CACNA1D: variants seen among roughly 807,000 people sequenced by gnomAD.
CACNA1D encodes voltage-dependent L-type calcium channel subunit alpha-1D.
CACNA1D carries 55 observed loss-of-function variants against 257.1 expected under a neutral mutation model. The ratio of observed to expected loss-of-function variants is 0.21; its 90% confidence interval spans 0.17 to 0.27. The LOEUF (loss-of-function observed/expected upper bound fraction) is 0.27. Among genes scored for constraint, CACNA1D ranks in the 10% least tolerant of loss-of-function variants. The probability of loss-of-function intolerance (pLI) is 1.00; values close to 1 mark genes in which losing one functional copy is unlikely to be tolerated. For synonymous variants in CACNA1D, 980 were observed against 1,014.9 expected, an observed-to-expected ratio of 0.97 and a Z score of 0.65; for missense variants, 1,876 against 2,784.0, an observed-to-expected ratio of 0.67 and a Z score of 7.34.
At chr3:53,672,767 T>TGTGC (rs2094336087) in intron 7 of CACNA1D, among the ~76,000 whole-genome samples, 1 of 43,168 alleles carries the variant, frequency 2.3e-5, no homozygotes, top group African/African-American at 1.3e-4. Flanking sequence ...TCTGTGTGTG[T>TGTGC]GTGTGTGTGT....
chr3:53,787,865 C>G (rs1036935393), intron 40 of CACNA1D, among the ~76,000 whole-genome samples: 1 of 152,152 alleles, frequency 6.6e-6, no homozygotes, highest in African/African-American at 2.4e-5. Context: ...AACAACTGAC[C>G]TCTGCTGCCC....
intron 3 of CACNA1D, among the ~76,000 whole-genome samples, chr3:53,601,952 C>T (rs555307510): frequency 5.3e-5 from 8 of 152,154 alleles, no homozygotes; most frequent in Admixed American, 3.3e-4. Flanking sequence ...CTCAGGTAAT[C>T]GGCCCGCCTC....
chr3:53,743,337 C>T (rs2095135501), intron 22 of CACNA1D, among the ~76,000 whole-genome samples: 1 of 152,116 alleles, frequency 6.6e-6, no homozygotes, highest in Non-Finnish European at 1.5e-5. Context: ...GAGCTTATTA[C>T]TGTCTGTGAA....
intron 46 of CACNA1D, chr3:53,809,610 G>GT: frequency 6.0e-6 from 2 of 334,112 alleles, no homozygotes; most frequent in South Asian, 6.0e-5. Context: ...GGAAGTGGTA[G>GT]TTTCCCCTGA....
At chr3:53,684,967 AAGTC>A in intron 8 of CACNA1D, among the ~76,000 whole-genome samples, 1 of 152,314 alleles carries the variant, frequency 6.6e-6, no homozygotes, top group Non-Finnish European at 1.5e-5. Flanking sequence ...TATCCAAAAT[AAGTC>A]AGAAAAGGAA....
At chr3:53,809,945 CTCTGG>C in intron 46 of CACNA1D, 28 bp from the exon 47 acceptor site, 1 of 1,605,872 alleles carries the variant, frequency 6.2e-7, no homozygotes, top group Non-Finnish European at 8.5e-7. Flanking sequence ...CTCTGAGAAC[CTCTGG>C]TCTCCCAACA....
intron 3 of CACNA1D, among the ~76,000 whole-genome samples, chr3:53,603,335 T>C (rs907841636): frequency 6.6e-6 from 1 of 152,162 alleles, no homozygotes; most frequent in African/African-American, 2.4e-5. Flanking sequence ...ACTGCTGGGG[T>C]TTGAATCGCA....
Position 53,772,857 on chromosome 3 carries a change from A to G in CACNA1D, c.4069A>G (p.Ile1357Val), listed in dbSNP as rs1323881612. The change falls in exon 33 of 48, where the codon ATA becomes GTA. Residue 1357 changes from isoleucine to valine, a missense_variant. Around this residue, in one of 10 missense-constraint regions of CACNA1D, gnomAD observed 204 missense variants for 309.4 expected, o/e 0.66. Coordinates refer to ENST00000350061, the MANE Select transcript of CACNA1D (RefSeq NM_001128840.3). ...FQALPYVALL[I>V]AMLFFIYAVI... The stretch of plus-strand genomic sequence containing the variant: ...GGCGCTCCCGTATGTGGCCCTCCTC[A>G]TAGCCATGCTGTTCTTCATCTATGC... 3 of 1,613,772 alleles carry G rather than the reference A, an allele frequency of 1.9e-6. No homozygotes were observed. Among genetic ancestry groups the G allele is most frequent in the Non-Finnish European group, 2.5e-6 (3 of 1,179,966 alleles).
intron 15 of CACNA1D, among the ~76,000 whole-genome samples, chr3:53,727,994 G>T (rs751350615): frequency 6.6e-6 from 1 of 151,782 alleles, no homozygotes; most frequent in Non-Finnish European, 1.5e-5. Flanking sequence ...CCCTTGACTC[G>T]GCTCTAAGGC....
At chr3:53,782,691 G>T (rs1317113813) in intron 39 of CACNA1D, 1 of 152,192 alleles carries the variant, frequency 6.6e-6, no homozygotes, top group Non-Finnish European at 1.5e-5. Flanking sequence ...TGCTGAAGGG[G>T]TTACCCGTAG....
chr3:53,734,016 G>GTGTATATATATATATA (rs1412072447), intron 19 of CACNA1D, among the ~76,000 whole-genome samples: 1 of 131,704 alleles, frequency 7.6e-6, no homozygotes, highest in African/African-American at 3.0e-5. Flanking sequence ...ATATGTGTGT[G>GTGTATATATATATATA]TATATATATA....
chr3:53,746,003 T>TA (rs1422298510), intron 25 of CACNA1D, 128 bp downstream of exon 25: 4 of 737,984 alleles, frequency 5.4e-6, no homozygotes, highest in Non-Finnish European at 9.7e-6. Flanking sequence ...AGCTTGTGGG[T>TA]AGATAGATGG....
rs529770897 is a variant in CACNA1D, at chr3:53,671,889, G to A, written c.1117-1134G>A. ...GGGCTTGCACCTGCAAGGCAAGAGCGATGGCTCTATCCAGACTGTTTGCAG... is the reference window on the plus strand; with the variant it reads ...GGGCTTGCACCTGCAAGGCAAGAGCAATGGCTCTATCCAGACTGTTTGCAG... On this transcript the variant is annotated intron_variant, in intron 7 of 47. Transcript: ENST00000350061. 2.6e-5 allele frequency among the ~76,000 whole-genome samples: 4 copies of A among 152,356 alleles called. No homozygotes were observed. The East Asian group carries it at 5.8e-4, about 22-fold the overall frequency.
intron 3 of CACNA1D, among the ~76,000 whole-genome samples, chr3:53,583,230 G>T (rs1441005046): frequency 7.7e-6 from 1 of 130,398 alleles, no homozygotes; most frequent in African/African-American, 2.8e-5. Flanking sequence ...CAATAGAGTG[G>T]ATTTTTTTTT....
chr3:53,782,260 G>GTATATATATATA (rs1462213888), intron 39 of CACNA1D: 61 of 46,254 alleles, frequency 1.3e-3, no homozygotes, highest in Admixed American at 9.6e-3. Context: ...GTGTGTGTGT[G>GTATATATATATA]TGTGTATATA....
Position 53,681,250 on chromosome 3 carries a change from T to C in CACNA1D, c.1220+8124T>C, listed in dbSNP as rs116603087. 2.4e-3 allele frequency among the ~76,000 whole-genome samples: 368 copies of C among 152,362 alleles called. 1 individual carries two copies. Among genetic ancestry groups the C allele is most frequent in the African/African-American group, 8.6e-3 (356 of 41,592 alleles). ...ATGAACATAAAGATCCACGGTCTTA[T>C]GAGAACTTAGATCGGCTGCTAGAAG... On this transcript the variant is annotated intron_variant, in intron 8 of 47. Transcript: ENST00000350061.
intron 29 of CACNA1D, among the ~76,000 whole-genome samples, chr3:53,755,708 C>A (rs1168926803): frequency 6.6e-6 from 1 of 152,036 alleles, no homozygotes; most frequent in Non-Finnish European, 1.5e-5. Flanking sequence ...CTGCGTTCCC[C>A]CCGGCCAGGG....
intron 3 of CACNA1D, among the ~76,000 whole-genome samples, chr3:53,573,367 G>A (rs189440112): frequency 4.6e-5 from 7 of 152,228 alleles, no homozygotes; most frequent in Non-Finnish European, 8.8e-5. Flanking sequence ...TTCCTCAGCC[G>A]TGCCAGGCTT....
intron 3 of CACNA1D, among the ~76,000 whole-genome samples, chr3:53,555,364 C>T (rs190048492): frequency 1.3e-5 from 2 of 151,452 alleles, no homozygotes; most frequent in African/African-American, 4.9e-5. Context: ...CCGTGGAGTT[C>T]AGTGTGAAAG....
Sources: gnomAD v4.1 joint callset for allele counts (sites outside exome capture counted in the v4.1 genomes callset) on GRCh38, gnomAD v4.1.1 for gene constraint, gnomAD v4.1.1 regional missense constraint, MANE v1.5 for transcripts, NCBI Gene and HGNC (gene_info 2026-07-23, HGNC 2026-07-21) for gene names.